NIM1K: variants seen among roughly 807,000 people sequenced by gnomAD.
NIM1K encodes the protein NIM1 serine/threonine protein kinase.
In NIM1K, 35 loss-of-function variants were observed where a neutral mutation model predicts 37.1. That is an observed-to-expected ratio of 0.94 (90% CI 0.72 to 1.25). The LOEUF is 1.25. NIM1K is among the 50% of genes most tolerant of loss of function. NIM1K has a pLI of 0.00. For missense variants in NIM1K, 564 were observed against 548.0 expected (o/e 1.03, Z -0.29); for synonymous variants, 234 against 206.6 (o/e 1.13, Z -1.14).
intron 1 of NIM1K, among the ~76,000 whole-genome samples, chr5:43,208,257 A>C (rs147893267): frequency 2.1e-3 from 324 of 152,250 alleles, no homozygotes; most frequent in Non-Finnish European, 4.0e-3. Flanking sequence ...AGAGAGTTAA[A>C]AAAATGAATA....
At chr5:43,212,160 G>GA (rs1752213137) in intron 1 of NIM1K, among the ~76,000 whole-genome samples, 1 of 152,112 alleles carries the variant, frequency 6.6e-6, no homozygotes, top group South Asian at 2.1e-4. Context: ...TCCCAGGATG[G>GA]AAATGTAAAA....
rs1561088075 is a variant in NIM1K at position 43,253,220 on chromosome 5, G to GAATATAA, written c.292+7153_292+7154insAATATAA. Among the ~76,000 whole-genome samples the GAATATAA allele has an allele frequency of 1.4e-3, 99 of 68,778 alleles. 1 individual carries two copies. The highest frequency in any genetic ancestry group is 1.8e-3 in the South Asian group (4 of 2,240). 45.1% of individuals were successfully genotyped at this position (68,778 alleles called of 152,430 possible). On this transcript the variant is annotated intron_variant, in intron 2 of 3. Transcript: ENST00000326035. The stretch of plus-strand genomic sequence containing the variant: ...AATATATAATATAATATATGTGTGT[G>GAATATAA]TGTGTGTGTGTGTGTGTGTGTGTGT...
In NIM1K at chr5:43,245,642, C is replaced by T. The variant is rs749805194; in HGVS notation, c.-134C>T. On this transcript the variant is annotated 5_prime_UTR_variant, in exon 2 of 4. Coordinates refer to ENST00000326035, the MANE Select transcript of NIM1K (RefSeq NM_153361.4). ...CTCACTAAAGCCGAGAGGGAGGCTG[C>T]TCAGCTCTCAGGAAAACTCTTTTGA... 1 of 827,478 alleles carries T rather than the reference C, an allele frequency of 1.2e-6. No homozygotes were observed. 51.3% of individuals were successfully genotyped at this position (827,478 alleles called of 1,614,324 possible). A position where few individuals can be genotyped will look rare whatever the true frequency, so the allele number is the denominator to read the frequency against.
intron 1 of NIM1K, among the ~76,000 whole-genome samples, chr5:43,206,246 G>A (rs574131304): frequency 3.7e-4 from 57 of 152,100 alleles, no homozygotes; most frequent in South Asian, 4.2e-4. Flanking sequence ...ACCGCCGGGC[G>A]GGGTGGCTCT....
chr5:43,266,654 G>A (rs1278190714), intron 2 of NIM1K, among the ~76,000 whole-genome samples: 1 of 152,216 alleles, frequency 6.6e-6, no homozygotes, highest in Non-Finnish European at 1.5e-5. Flanking sequence ...GATGAACGCG[G>A]TACCTCAGTT....
chr5:43,242,497 A>AG (rs977108196), intron 1 of NIM1K, among the ~76,000 whole-genome samples: 5 of 151,896 alleles, frequency 3.3e-5, no homozygotes, highest in African/African-American at 1.2e-4. Flanking sequence ...CACAGTTCTC[A>AG]GGGGGATGAT....
At chr5:43,249,518 A>G (rs1388103941) in intron 2 of NIM1K, among the ~76,000 whole-genome samples, 1 of 152,206 alleles carries the variant, frequency 6.6e-6, no homozygotes, top group Non-Finnish European at 1.5e-5. Flanking sequence ...AACTGATTGG[A>G]TGTAGAACTG....
chr5:43,266,098 T>C (rs1753152146), intron 2 of NIM1K, among the ~76,000 whole-genome samples: 2 of 152,202 alleles, frequency 1.3e-5, no homozygotes, highest in African/African-American at 2.4e-5. Flanking sequence ...AGTCTGTCCG[T>C]TCTCAGATCT....
chr5:43,212,417 C>T (rs1436989183), intron 1 of NIM1K, among the ~76,000 whole-genome samples: 11 of 151,756 alleles, frequency 7.2e-5, no homozygotes, highest in Non-Finnish European at 1.6e-4. Flanking sequence ...TTTTTAAATA[C>T]TCTCACGTGA....
intron 2 of NIM1K, among the ~76,000 whole-genome samples, chr5:43,257,885 C>A (rs549732277): frequency 1.4e-4 from 21 of 151,746 alleles, no homozygotes; most frequent in Non-Finnish European, 2.4e-4. Context: ...CATAGCAAGA[C>A]CCTGTCTTTA....
chr5:43,263,188 C>T (rs1210676770), intron 2 of NIM1K, among the ~76,000 whole-genome samples: 1 of 152,128 alleles, frequency 6.6e-6, no homozygotes, highest in Non-Finnish European at 1.5e-5. Context: ...AGGAATGGTA[C>T]CAGCTCCTTT....
intron 2 of NIM1K, among the ~76,000 whole-genome samples, chr5:43,248,840 A>T (rs1352447628): frequency 6.7e-6 from 1 of 148,506 alleles, no homozygotes; most frequent in African/African-American, 2.5e-5. Context: ...AGCAGTTCCC[A>T]CTTGCTCAGT....
At chr5:43,232,941 T>A in intron 1 of NIM1K, 2 of 1,146,222 alleles carry the variant, frequency 1.7e-6, no homozygotes, top group Non-Finnish European at 2.6e-6. Context: ...CAGTGCAAAC[T>A]TCATCATCAA....
chr5:43,255,754 A>AAGAAAGAAAG (rs1554016082), intron 2 of NIM1K, among the ~76,000 whole-genome samples: 1 of 131,808 alleles, frequency 7.6e-6, no homozygotes, highest in Non-Finnish European at 1.6e-5. Context: ...TCTCAAAAAA[A>AAGAAAGAAAG]AAAGAAAGAA....
In NIM1K at chr5:43,275,736, G is replaced by A. The variant is rs61177058; in HGVS notation, c.293-1321G>A. ...AGATTACAGTACATTGGGGCTCCAA[G>A]TGCACAGAATCTGAACATCATGTTC... On this transcript the variant is annotated intron_variant, in intron 2 of 3. Coordinates refer to ENST00000326035, the MANE Select transcript of NIM1K (RefSeq NM_153361.4). Among the ~76,000 whole-genome samples, 4 of 152,240 alleles carry A rather than the reference G, an allele frequency of 2.6e-5. No homozygotes were observed. In the East Asian group the frequency reaches 7.7e-4, roughly 29 times the overall value.
chr5:43,226,366 A>G (rs758641622), intron 1 of NIM1K, among the ~76,000 whole-genome samples: 1 of 152,214 alleles, frequency 6.6e-6, no homozygotes, highest in Non-Finnish European at 1.5e-5. Context: ...AAAAGCCAGT[A>G]GTGGCTTACA....
At chr5:43,201,244 C>G (rs569475297) in intron 1 of NIM1K, among the ~76,000 whole-genome samples, 2 of 152,136 alleles carry the variant, frequency 1.3e-5, no homozygotes, top group African/African-American at 4.8e-5. Flanking sequence ...CCTGTCTCTA[C>G]TAAAACTACA....
chr5:43,215,326 C>T (rs1354733905), intron 1 of NIM1K, among the ~76,000 whole-genome samples: 2 of 152,182 alleles, frequency 1.3e-5, no homozygotes, highest in Non-Finnish European at 2.9e-5. Context: ...GGGAAGTGTG[C>T]CTAATTACAT....
At chr5:43,199,998 C>T (rs1751995242) in intron 1 of NIM1K, among the ~76,000 whole-genome samples, 1 of 152,074 alleles carries the variant, frequency 6.6e-6, no homozygotes, top group South Asian at 2.1e-4. Flanking sequence ...GCTTCGGCCT[C>T]CTGAGTAGCT....
Sources: gnomAD v4.1 joint callset for allele counts (sites outside exome capture counted in the v4.1 genomes callset) on GRCh38, gnomAD v4.1.1 for gene constraint, MANE v1.5 for transcripts, NCBI Gene and HGNC (gene_info 2026-07-23, HGNC 2026-07-21) for gene names.